The following SLC25A16 variants were observed in gnomAD, a reference collection of about 807,000 sequenced individuals.
SLC25A16 encodes solute carrier family 25 member 16.
Under a neutral mutation model 41.5 loss-of-function variants are expected in SLC25A16, and 39 were observed. That is an observed-to-expected ratio of 0.94 (90% CI 0.73 to 1.23). The LOEUF is 1.23. Among genes scored for constraint, SLC25A16 ranks in the 50% most tolerant of loss-of-function variants. SLC25A16 has a pLI of 0.00. For synonymous variants in SLC25A16, 146 were observed against 147.8 expected (o/e 0.99, Z 0.09); for missense variants, 421 against 426.9 (o/e 0.99, Z 0.12).
rs995267710 is a variant in SLC25A16 at position 68,479,503 on chromosome 10, C to T, written c.*3929G>A. The stretch of plus-strand genomic sequence containing the variant: ...GTGCTGAATAAATGGATGGTCAGTA[C>T]CACGGTGAAGAATGGAATGAGGACA... On this transcript the variant is annotated 3_prime_UTR_variant, in exon 9 of 9. Transcript: ENST00000609923. 3 of 152,082 alleles carry T rather than the reference C, an allele frequency of 2.0e-5. No individual in the cohort carries two copies. Among genetic ancestry groups the T allele is most frequent in the African/African-American group, 7.2e-5 (3 of 41,404 alleles). The allele number at this position is 152,082 out of a possible 1,614,324, so 9.4% of individuals were successfully genotyped here.
intron 1 of SLC25A16, chr10:68,517,942 G>A (rs1348538028): frequency 1.3e-5 from 2 of 152,090 alleles, no homozygotes; most frequent in Non-Finnish European, 2.9e-5. Context: ...TTGCACTCTA[G>A]CCTGGGCGAC....
At chr10:68,500,459 C>G (rs1260382765) in intron 4 of SLC25A16, among the ~76,000 whole-genome samples, 1 of 152,046 alleles carries the variant, frequency 6.6e-6, no homozygotes, top group African/African-American at 2.4e-5. Context: ...AGGCGCCAAC[C>G]ACCATGCCTG....
chr10:68,519,203 A>G (rs966426525), intron 1 of SLC25A16, among the ~76,000 whole-genome samples: 2 of 151,544 alleles, frequency 1.3e-5, no homozygotes, highest in Admixed American at 6.6e-5. Context: ...AAAAAACAAA[A>G]AAAGGCTGGG....
At chr10:68,523,636 C>T (rs2053284886) in intron 1 of SLC25A16, among the ~76,000 whole-genome samples, 1 of 151,968 alleles carries the variant, frequency 6.6e-6, no homozygotes, top group Non-Finnish European at 1.5e-5. Flanking sequence ...CCAAGCCTGG[C>T]TAGTTTTTTT....
chr10:68,488,759 T>C, intron 6 of SLC25A16, 130 bp from the exon 7 acceptor site: 1 of 744,978 alleles, frequency 1.3e-6, no homozygotes, highest in Non-Finnish European at 2.1e-6. Context: ...GAAAGATTTG[T>C]GTACATAAAT....
chr10:68,488,410 G>A (rs922988852), intron 7 of SLC25A16, 57 bp downstream of exon 7: 1 of 1,241,788 alleles, frequency 8.1e-7, no homozygotes, highest in Admixed American at 2.8e-5. Flanking sequence ...AAACAATGCT[G>A]AAAATCAGGA....
chr10:68,523,259 A>AT (rs1394296838), intron 1 of SLC25A16, among the ~76,000 whole-genome samples: 3 of 151,520 alleles, frequency 2.0e-5, no homozygotes, highest in Admixed American at 6.6e-5. Flanking sequence ...TGCCCAGCTA[A>AT]TTTTTGTATT....
At chr10:68,496,481 A>G (rs1194538740) in intron 4 of SLC25A16, 1 of 984,740 alleles carries the variant, frequency 1.0e-6, no homozygotes, top group African/African-American at 1.7e-5. Context: ...GTTTACAACT[A>G]CAATCCAATA....
chr10:68,516,640 T>C, intron 2 of SLC25A16, 111 bp downstream of exon 2: 1 of 662,774 alleles, frequency 1.5e-6, no homozygotes, highest in Non-Finnish European at 2.4e-6. Flanking sequence ...AAAAAAGTTT[T>C]TAAAGAGGAA....
intron 4 of SLC25A16, among the ~76,000 whole-genome samples, chr10:68,501,105 A>C (rs1283544023): frequency 1.3e-5 from 2 of 151,826 alleles, no homozygotes; most frequent in Admixed American, 6.6e-5. Context: ...CACAAAAATT[A>C]GCCAGGCATG....
Position 68,482,447 on chromosome 10 carries a change from G to A in SLC25A16, c.*985C>T, listed in dbSNP as rs1051510840. On this transcript the variant is annotated 3_prime_UTR_variant, in exon 9 of 9. Transcript: ENST00000609923. ...ATATTGCACTAAAATTATTTTACAT[G>A]GAAGAACTAGTTGATGCATCATAAT... is the stretch of plus-strand genomic sequence containing the variant. The A allele has an allele frequency of 6.6e-6, 1 of 152,404 alleles. No homozygotes were observed. The highest frequency in any genetic ancestry group is 1.5e-5 in the Non-Finnish European group (1 of 68,008). The allele number at this position is 152,404 out of a possible 1,614,324, so 9.4% of individuals were successfully genotyped here. A position where few individuals can be genotyped will look rare whatever the true frequency, so the allele number is the denominator to read the frequency against.
rs1317122448 is a variant in SLC25A16 at position 68,513,381 on chromosome 10, C to G, written c.223+3370G>C. ...CTGAGATCACATCACTGCACTCCAG[C>G]CTGGGCAATAGAGCAAGACCATCTC... is the stretch of plus-strand genomic sequence containing the variant. On this transcript the variant is annotated intron_variant, in intron 2 of 8. Coordinates refer to ENST00000609923, the MANE Select transcript of SLC25A16 (RefSeq NM_152707.4). 3.4e-5 allele frequency among the ~76,000 whole-genome samples: 5 copies of G among 145,638 alleles called. No individual in the cohort carries two copies. In the South Asian group the frequency reaches 1.1e-3, roughly 32 times the overall value.
At chr10:68,502,273 T>C (rs1027431056) in intron 4 of SLC25A16, among the ~76,000 whole-genome samples, 1 of 151,828 alleles carries the variant, frequency 6.6e-6, no homozygotes, top group African/African-American at 2.4e-5. Context: ...GGGAGAAAAT[T>C]TCTACATACA....
chr10:68,500,537 A>G (rs555995557), intron 4 of SLC25A16, among the ~76,000 whole-genome samples: 2 of 151,278 alleles, frequency 1.3e-5, no homozygotes, highest in South Asian at 4.2e-4. Context: ...CAAACTCCTG[A>G]TCTCAGGTGA....
intron 1 of SLC25A16, among the ~76,000 whole-genome samples, chr10:68,521,458 A>G (rs1376140809): frequency 6.6e-6 from 1 of 151,762 alleles, no homozygotes; most frequent in East Asian, 2.0e-4. Flanking sequence ...GAACCCAAGA[A>G]GCGGATGTTT....
In SLC25A16 at chr10:68,480,312, C is replaced by T. The variant is rs1178721721; in HGVS notation, c.*3120G>A. ...ACAGTCATTATTTTAAATATTCTTCCATTCTGACTTATGTTTAGCATTTGT... is the reference window on the plus strand; with the variant it reads ...ACAGTCATTATTTTAAATATTCTTCTATTCTGACTTATGTTTAGCATTTGT... On this transcript the variant is annotated 3_prime_UTR_variant, in exon 9 of 9. Coordinates refer to ENST00000609923, the MANE Select transcript of SLC25A16 (RefSeq NM_152707.4). The T allele has an allele frequency of 6.6e-6, 1 of 152,076 alleles. No homozygotes were observed. The highest frequency in any genetic ancestry group is 1.5e-5 in the Non-Finnish European group (1 of 68,022). The allele number at this position is 152,076 out of a possible 1,614,324, so 9.4% of individuals were successfully genotyped here.
chr10:68,516,365 G>C (rs2053161209), intron 2 of SLC25A16, among the ~76,000 whole-genome samples: 1 of 152,050 alleles, frequency 6.6e-6, no homozygotes, highest in African/African-American at 2.4e-5. Flanking sequence ...GAGCACAAGG[G>C]AAGGAGAAAG....
intron 7 of SLC25A16, among the ~76,000 whole-genome samples, chr10:68,487,878 G>T (rs1447912910): frequency 3.3e-5 from 5 of 151,514 alleles, no homozygotes; most frequent in Non-Finnish European, 5.9e-5. Context: ...TTTTGAGATG[G>T]AGTCTCACTC....
Position 68,487,175 on chromosome 10 carries a change from C to G in SLC25A16, c.811G>C (p.Gly271Arg). Residue 271 changes from glycine to arginine, a missense_variant, in exon 8 of 9, where the codon GGA becomes CGA. Transcript: ENST00000609923. ...TTTTCAAATTCCGGCAGAACAGTTC[C>G]TAATTGCATTCGCCGACGAGTCACA... ...FDVTRRRMQL[G>R]TVLPEFEKCL... The G allele has an allele frequency of 6.2e-7, 1 of 1,613,494 alleles. No homozygotes were observed. Among genetic ancestry groups the G allele is most frequent in the South Asian group, 1.1e-5 (1 of 91,050 alleles).
Sources: gnomAD v4.1 joint callset for allele counts (sites outside exome capture counted in the v4.1 genomes callset) on GRCh38, gnomAD v4.1.1 for gene constraint, MANE v1.5 for transcripts, NCBI Gene and HGNC (gene_info 2026-07-23, HGNC 2026-07-21) for gene names.